Variants in DAPK1 observed in about 807,000 individuals in gnomAD.
DAPK1 encodes the protein death-associated protein kinase 1.
In DAPK1, 56 loss-of-function variants were observed where a neutral mutation model predicts 144.9. The ratio of observed to expected loss-of-function variants is 0.39; its 90% CI spans 0.31 to 0.48. The LOEUF (loss-of-function observed/expected upper bound fraction) is 0.48. DAPK1 is among the 20% of genes least tolerant of loss of function. The pLI, the probability that DAPK1 is intolerant of heterozygous loss-of-function variation, is 0.95. For missense variants in DAPK1, 1,454 were observed against 1,875.4 expected (o/e 0.78, Z 4.15); for synonymous variants, 690 against 749.0 (o/e 0.92, Z 1.29).
chr9:87,618,446 A>G (rs77088701), intron 3 of DAPK1, among the ~76,000 whole-genome samples: 6,033 of 152,346 alleles, frequency 0.04, 146 homozygotes, highest in Middle Eastern at 0.048. Context: ...CCCAAGAGAC[A>G]TGAAAATATA....
intron 2 of DAPK1, among the ~76,000 whole-genome samples, chr9:87,518,105 G>T (rs13293610): frequency 0.27 from 9,488 of 35,550 alleles, 1,226 homozygotes; most frequent in African/African-American, 0.41. Flanking sequence ...TTATGTTGTT[G>T]TTTTTTTTTT....
intron 17 of DAPK1, among the ~76,000 whole-genome samples, chr9:87,652,903 C>A (rs533603907): frequency 7.5e-6 from 1 of 132,840 alleles, no homozygotes; most frequent in African/African-American, 2.7e-5. Context: ...CACCTGATCC[C>A]GGGTCCTGAT....
At chr9:87,649,586 C>T (rs909850675) in intron 15 of DAPK1, among the ~76,000 whole-genome samples, 2 of 152,194 alleles carry the variant, frequency 1.3e-5, no homozygotes, top group African/African-American at 4.8e-5. Flanking sequence ...CACGAAGGCT[C>T]TATTGTTCAG....
intron 2 of DAPK1, among the ~76,000 whole-genome samples, chr9:87,552,194 T>A (rs1026735793): frequency 6.6e-6 from 1 of 151,512 alleles, no homozygotes; most frequent in Non-Finnish European, 1.5e-5. Context: ...GGCCAGCAAG[T>A]AGGGAGGGGA....
chr9:87,606,188 T>G (rs1405516497), intron 3 of DAPK1, among the ~76,000 whole-genome samples: 2 of 152,134 alleles, frequency 1.3e-5, no homozygotes, highest in Non-Finnish European at 2.9e-5. Context: ...AGGAGAAGGT[T>G]GGCAGAGCTG....
chr9:87,497,892 G>A lies in DAPK1; in HGVS notation c.-324G>A, dbSNP rs1036329253. 7.6e-6 allele frequency: 3 copies of A among 394,870 alleles called. No homozygotes were observed. The highest frequency in any genetic ancestry group is 1.3e-5 in the Non-Finnish European group (3 of 224,228). The allele number at this position is 394,870 out of a possible 1,614,324, so 24.5% of individuals were successfully genotyped here. A position where few individuals can be genotyped will look rare whatever the true frequency, so the allele number is the denominator to read the frequency against. ...GCTTCGGAGTGTGAGGAGGACAGCC[G>A]GACCGAGCCAACGCCGGGGACTTTG... On this transcript the variant is annotated 5_prime_UTR_variant, in exon 1 of 26. Coordinates refer to ENST00000408954, the MANE Select transcript of DAPK1 (RefSeq NM_004938.4).
chr9:87,555,503 G>T (rs35080047), intron 2 of DAPK1, among the ~76,000 whole-genome samples: 7,010 of 149,824 alleles, frequency 0.047, 245 homozygotes, highest in African/African-American at 0.097. Flanking sequence ...ATTTTATTTA[G>T]TTATTTTTTT....
intron 2 of DAPK1, among the ~76,000 whole-genome samples, chr9:87,571,781 AC>A (rs1827372241): frequency 6.6e-6 from 1 of 152,076 alleles, no homozygotes; most frequent in Non-Finnish European, 1.5e-5. Context: ...TTTGGGGGAT[AC>A]CCTTGATTAT....
At chr9:87,505,109 AG>A (rs1824537807) in intron 2 of DAPK1, among the ~76,000 whole-genome samples, 1 of 152,126 alleles carries the variant, frequency 6.6e-6, no homozygotes, top group Non-Finnish European at 1.5e-5. Context: ...ATTAGGGGTG[AG>A]GGGCTGAGCT....
At chr9:87,579,558 G>A (rs146083330) in intron 2 of DAPK1, among the ~76,000 whole-genome samples, 2 of 152,104 alleles carry the variant, frequency 1.3e-5, no homozygotes, top group Non-Finnish European at 2.9e-5. Flanking sequence ...GTTGCTCTAC[G>A]TTGGGAATAA....
rs1250686876 is a variant in DAPK1 at position 87,686,485 on chromosome 9, G to T, written c.2225-66G>T. ...TCCAGAAAAGGAAACCTCAGGGCCA[G>T]CCTGGGAGGGAGACAGGCACACGCT... On this transcript the variant is annotated intron_variant, in intron 20 of 25. Coordinates refer to ENST00000408954, the MANE Select transcript of DAPK1 (RefSeq NM_004938.4). The surrounding 1 kb of genome is among the most constrained non-coding windows in gnomAD (Gnocchi z 4.2). The T allele has an allele frequency of 4.3e-6, 4 of 920,056 alleles. No individual in the cohort carries two copies. The highest frequency in any genetic ancestry group is 6.9e-6 in the Non-Finnish European group (4 of 583,530). 57.0% of individuals were successfully genotyped at this position (920,056 alleles called of 1,614,324 possible).
At chr9:87,675,878 CACACACACACACACACA>C (rs1824353749) in intron 19 of DAPK1, among the ~76,000 whole-genome samples, 1 of 151,300 alleles carries the variant, frequency 6.6e-6, no homozygotes, top group African/African-American at 2.4e-5. Context: ...CACACACACA[CACACACACACACACACA>C]CCCTTATGAC....
Position 87,658,050 on chromosome 9 carries a change from CT to C in DAPK1, c.1848del (p.Ala617ArgfsTer7). 1 of 1,503,968 alleles carries C rather than the reference CT, an allele frequency of 6.6e-7. No homozygotes were observed. Among genetic ancestry groups the C allele is most frequent in the Non-Finnish European group, 9.3e-7 (1 of 1,080,296 alleles). The allele number at this position is 1,503,968 out of a possible 1,614,324, so 93.2% of individuals were successfully genotyped here. A position where few individuals can be genotyped will look rare whatever the true frequency, so the allele number is the denominator to read the frequency against. On this transcript the variant is annotated frameshift_variant, in exon 18 of 26. Transcript: ENST00000408954. LOFTEE classifies it high-confidence loss of function. ...CCAGTATGGGCGAACGCCTCTGCAC[CT>C]TGCGGCCAACAACGGAATCCTAGAC... ...SNKYGRTPLH[L>X]AANNGILDVV...
chr9:87,593,710 C>G (rs1409538495), intron 2 of DAPK1, among the ~76,000 whole-genome samples: 1 of 152,186 alleles, frequency 6.6e-6, no homozygotes, highest in Non-Finnish European at 1.5e-5. Context: ...TTTGTCTTCT[C>G]TTTCCCCATG....
intron 21 of DAPK1, among the ~76,000 whole-genome samples, chr9:87,691,541 C>T (rs1029223066): frequency 3.3e-5 from 5 of 151,664 alleles, no homozygotes; most frequent in African/African-American, 1.2e-4. Context: ...TGTGGTTTGG[C>T]TTGTTTTTGC....
intron 9 of DAPK1, 62 bp from the exon 10 acceptor site, chr9:87,641,907 G>T (rs1162631153): frequency 7.4e-7 from 1 of 1,359,976 alleles, no homozygotes; most frequent in Non-Finnish European, 1.0e-6. Flanking sequence ...TCAAAAAATT[G>T]TCATATAACA....
intron 2 of DAPK1, chr9:87,553,822 G>A (rs1025778656): frequency 6.6e-6 from 1 of 152,212 alleles, no homozygotes; most frequent in African/African-American, 2.4e-5. Flanking sequence ...ATATTCCACA[G>A]ATGAGGGCAA....
chr9:87,577,398 A>G (rs1827601819), intron 2 of DAPK1, among the ~76,000 whole-genome samples: 1 of 152,196 alleles, frequency 6.6e-6, no homozygotes, highest in African/African-American at 2.4e-5. Context: ...CTTGAATCTT[A>G]GACTTCCCTG....
At chr9:87,535,555 T>TA (rs1269495164) in intron 2 of DAPK1, among the ~76,000 whole-genome samples, 1 of 152,190 alleles carries the variant, frequency 6.6e-6, no homozygotes, top group African/African-American at 2.4e-5. Flanking sequence ...TTTAATGTAA[T>TA]ACTGTCTATA....
Sources: gnomAD v4.1 joint callset for allele counts (sites outside exome capture counted in the v4.1 genomes callset) on GRCh38, gnomAD v4.1.1 for gene constraint, Gnocchi (gnomAD v3.1) non-coding constraint, MANE v1.5 for transcripts, NCBI Gene and HGNC (gene_info 2026-07-23, HGNC 2026-07-21) for gene names.